Variants in DLEU7 observed in about 807,000 individuals in gnomAD.
DLEU7 encodes leukemia-associated protein 7.
Under a neutral mutation model 16.0 loss-of-function variants are expected in DLEU7, and 17 were observed. The ratio of observed to expected loss-of-function variants is 1.06; its 90% CI spans 0.73 to 1.59. The LOEUF is 1.59. Ranked by LOEUF, DLEU7 falls within the 40% of genes most tolerant of loss-of-function variation. The pLI, the probability that DLEU7 is intolerant of heterozygous loss-of-function variation, is 0.00. For missense variants in DLEU7, 308 were observed against 314.9 expected (o/e 0.98, Z 0.17); for synonymous variants, 113 against 139.8 (o/e 0.81, Z 1.35).
chr13:50,776,461 T>C (rs1286545858), intron 1 of DLEU7, among the ~76,000 whole-genome samples: 14 of 152,178 alleles, frequency 9.2e-5, no homozygotes, highest in Admixed American at 9.2e-4. Context: ...TTCCCTGACA[T>C]ATCCTTATAT....
intron 1 of DLEU7, among the ~76,000 whole-genome samples, chr13:50,790,229 G>A (rs950232381): frequency 1.9e-4 from 29 of 151,824 alleles, no homozygotes; most frequent in Admixed American, 1.6e-3. Flanking sequence ...CACCACACCC[G>A]GCCTCCCAGA....
chr13:50,843,236 C>A lies in DLEU7; in HGVS notation c.411G>T (p.Thr137=). The change falls in exon 1 of 2, where the codon ACG becomes ACT. Residue 137 remains threonine, a synonymous_variant. Coordinates refer to ENST00000504404, the MANE Select transcript of DLEU7 (RefSeq NM_001306135.2). This position sits in a 1 kb window ranked among gnomAD's most constrained non-coding sequence, Gnocchi z 5.7. ...GCTCCTGCTGGAGGGGCCCCAGCAG[C>A]GTCTGCTCCACGCTGACCAGCTCCG... The part of the protein sequence containing the change: ...STSELVSVEQ[T]LLGPLQQERS... 6.3e-7 allele frequency: 1 copy of A among 1,593,964 alleles called. No homozygotes were observed. The highest frequency in any genetic ancestry group is 2.4e-5 in the East Asian group (1 of 42,020).
At chr13:50,818,639 G>A (rs1487433469), downstream of DLEU7, 3 of 152,144 alleles carry the variant, frequency 2.0e-5, no homozygotes, top group South Asian at 2.1e-4. Flanking sequence ...GGCAAACTGG[G>A]TGGCTTCTAA....
At chr13:50,713,388 C>T (rs994667994) in intron 1 of DLEU7, 25 of 1,000,302 alleles carry the variant, frequency 2.5e-5, no homozygotes, top group Admixed American at 1.8e-4. Context: ...TCTTGGCTAC[C>T]CATTATAGAT....
chr13:50,802,610 A>C (rs543134912), intron 1 of DLEU7, among the ~76,000 whole-genome samples: 2 of 152,272 alleles, frequency 1.3e-5, no homozygotes, highest in Non-Finnish European at 2.9e-5. Flanking sequence ...GCCCTCAAAA[A>C]CTAATTTAAA....
rs552264659 is a variant in DLEU7 at position 50,729,304 on chromosome 13, C to G, written c.460-16064G>C. 9.9e-5 allele frequency among the ~76,000 whole-genome samples: 15 copies of G among 152,256 alleles called. No homozygotes were observed. In the East Asian group the frequency reaches 2.9e-3, roughly 29 times the overall value. Reference sequence around the variant, plus strand: ...AGTATTTGGTTTTCTGTTCCTTTGTCAGTTCACTTAGGATAGTGACCTCCA... The same window carrying G: ...AGTATTTGGTTTTCTGTTCCTTTGTGAGTTCACTTAGGATAGTGACCTCCA... On this transcript the variant is annotated intron_variant, in intron 1 of 1. Transcript: ENST00000400393.
chr13:50,787,095 A>T (rs528526), intron 1 of DLEU7, among the ~76,000 whole-genome samples: 1 of 151,940 alleles, frequency 6.6e-6, no homozygotes, highest in Non-Finnish European at 1.5e-5. Flanking sequence ...CCTTCGTTTC[A>T]AGTTTTGGAT....
chr13:50,785,176 GA>G (rs571154466), intron 1 of DLEU7, among the ~76,000 whole-genome samples: 17 of 152,232 alleles, frequency 1.1e-4, no homozygotes, highest in African/African-American at 3.6e-4. Context: ...ATCATTTGGA[GA>G]AAACCCATAT....
intron 1 of DLEU7, among the ~76,000 whole-genome samples, chr13:50,824,036 G>A (rs536132736): frequency 6.6e-6 from 1 of 152,298 alleles, no homozygotes; most frequent in Admixed American, 6.5e-5. Context: ...ACTTAACCCA[G>A]TTGGACTTGA....
In DLEU7 at chr13:50,795,285, C is replaced by T. The variant is rs73495683; in HGVS notation, c.459+47903G>A. On this transcript the variant is annotated intron_variant, in intron 1 of 1. Transcript: ENST00000400393. ...CCAGTGGCCTCCTCCCCAACTTTAC[C>T]TGTGAGATCAGGGATTATAGCAAAA... 3.7e-3 allele frequency among the ~76,000 whole-genome samples: 562 copies of T among 152,252 alleles called. 2 individuals are homozygous for T. The highest frequency in any genetic ancestry group is 0.013 in the African/African-American group (541 of 41,550).
At chr13:50,803,706 G>A (rs1876309135) in intron 1 of DLEU7, among the ~76,000 whole-genome samples, 1 of 152,150 alleles carries the variant, frequency 6.6e-6, no homozygotes. Flanking sequence ...GAAAAAAGGT[G>A]ATGCATTTCT....
At chr13:50,819,508 A>G (rs1311371709), downstream of DLEU7, among the ~76,000 whole-genome samples, 1 of 152,162 alleles carries the variant, frequency 6.6e-6, no homozygotes, top group Non-Finnish European at 1.5e-5. Context: ...AGGTACTGCA[A>G]TATTCCAGAC....
chr13:50,834,642 C>G (rs1413053093), intron 1 of DLEU7, among the ~76,000 whole-genome samples: 2 of 152,090 alleles, frequency 1.3e-5, no homozygotes, highest in African/African-American at 4.8e-5. Flanking sequence ...GGTGATTCCT[C>G]AAGGATCTAG....
intron 1 of DLEU7, among the ~76,000 whole-genome samples, chr13:50,798,917 A>T (rs76038648): frequency 0.15 from 22,898 of 152,170 alleles, 2,205 homozygotes; most frequent in East Asian, 0.27. Flanking sequence ...CAGAAAAGGC[A>T]TGCCACTGTC....
chr13:50,811,291 T>C (rs1419210001), intron 1 of DLEU7, among the ~76,000 whole-genome samples: 1 of 151,958 alleles, frequency 6.6e-6, no homozygotes, highest in Non-Finnish European at 1.5e-5. Flanking sequence ...GGGAAGGCCT[T>C]TAGAAAGAGA....
intron 1 of DLEU7, among the ~76,000 whole-genome samples, chr13:50,816,567 A>G (rs562832983): frequency 6.6e-6 from 1 of 152,256 alleles, no homozygotes; most frequent in Non-Finnish European, 1.5e-5. Context: ...ATGTGGCCCA[A>G]GACAGAGAGG....
intron 1 of DLEU7, among the ~76,000 whole-genome samples, chr13:50,769,684 C>T (rs1257292224): frequency 6.6e-6 from 1 of 152,172 alleles, no homozygotes; most frequent in African/African-American, 2.4e-5. Context: ...GTTTTGGTTA[C>T]TGTACACTTG....
intron 1 of DLEU7, among the ~76,000 whole-genome samples, chr13:50,828,354 A>G (rs1439277920): frequency 6.6e-6 from 1 of 152,356 alleles, no homozygotes; most frequent in East Asian, 1.9e-4. Context: ...ATGAGAAATC[A>G]ATAACATAGA....
Position 50,843,173 on chromosome 13 carries a change from G to A in DLEU7, c.459+15C>T, listed in dbSNP as rs748516869. On this transcript the variant is annotated intron_variant, in intron 1 of 1. Transcript: ENST00000504404. The surrounding 1 kb of genome is among the most constrained non-coding windows in gnomAD (Gnocchi z 5.7). Reference sequence around the variant, plus strand: ...TACCCTGCACGCCAGAGGGGATGGCGGGGGCCAGACTCACCTTCAGGTGAA... The same window carrying A: ...TACCCTGCACGCCAGAGGGGATGGCAGGGGCCAGACTCACCTTCAGGTGAA... 18 of 1,583,302 alleles carry A rather than the reference G, an allele frequency of 1.1e-5. No individual in the cohort carries two copies. The highest frequency in any genetic ancestry group is 1.5e-5 in the Non-Finnish European group (17 of 1,166,620).
Sources: gnomAD v4.1 joint callset for allele counts (sites outside exome capture counted in the v4.1 genomes callset) on GRCh38, gnomAD v4.1.1 for gene constraint, Gnocchi (gnomAD v3.1) non-coding constraint, MANE v1.5 for transcripts, NCBI Gene and HGNC (gene_info 2026-07-23, HGNC 2026-07-21) for gene names.